Variants in IL23R observed in about 807,000 individuals in gnomAD.
IL23R encodes the protein interleukin 23 receptor.
In IL23R, 34 loss-of-function variants were observed where a neutral mutation model predicts 56.9. The ratio of observed to expected loss-of-function variants is 0.60; its 90% CI spans 0.45 to 0.80. The LOEUF (loss-of-function observed/expected upper bound fraction) is 0.80. Ranked by LOEUF, IL23R falls within the 30% of genes least tolerant of loss-of-function variation. The pLI is 0.00. For synonymous variants in IL23R, 230 were observed against 249.2 expected (o/e 0.92, Z 0.73); for missense variants, 635 against 730.0 (o/e 0.87, Z 1.50).
intron 1 of IL23R, among the ~76,000 whole-genome samples, chr1:67,143,677 G>T (rs941322669): frequency 2.0e-5 from 3 of 152,214 alleles, no homozygotes; most frequent in Non-Finnish European, 2.9e-5. Context: ...AGTAGACTGA[G>T]CACACTCCTG....
intron 4 of IL23R, chr1:67,196,012 C>T (rs1469286334): frequency 6.6e-6 from 1 of 152,246 alleles, no homozygotes; most frequent in Non-Finnish European, 1.5e-5. Flanking sequence ...ATAGTAGTAA[C>T]AGGACTTGGT....
At chr1:67,147,058 AT>A (rs143373276) in intron 1 of IL23R, among the ~76,000 whole-genome samples, 5 of 150,576 alleles carry the variant, frequency 3.3e-5, no homozygotes, top group African/African-American at 1.2e-4. Context: ...CTTCTCTGAG[AT>A]TTTTTTTTTC....
upstream of IL23R, chr1:67,166,287 A>G (rs2102550770): frequency 6.6e-6 from 1 of 152,440 alleles, no homozygotes; most frequent in South Asian, 2.1e-4. Context: ...TACCGACAAA[A>G]CAGTTCACTT....
intron 4 of IL23R, among the ~76,000 whole-genome samples, chr1:67,194,164 T>C (rs1201578457): frequency 6.6e-6 from 1 of 152,226 alleles, no homozygotes; most frequent in African/African-American, 2.4e-5. Flanking sequence ...GGAAGCTCCC[T>C]GAACCCAGTC....
At chr1:67,262,746 T>C (rs917219978), downstream of IL23R, among the ~76,000 whole-genome samples, 2 of 152,152 alleles carry the variant, frequency 1.3e-5, no homozygotes, top group Non-Finnish European at 2.9e-5. Context: ...TCACAATCTT[T>C]TAAGTCGCTG....
intron 4 of IL23R, 21 bp downstream of exon 4, chr1:67,182,980 T>C: frequency 6.2e-7 from 1 of 1,613,570 alleles, no homozygotes; most frequent in South Asian, 1.1e-5. Context: ...TCCTCACGGC[T>C]TCATATAAGC....
intron 9 of IL23R, among the ~76,000 whole-genome samples, chr1:67,254,016 T>G (rs914584612): frequency 3.9e-5 from 6 of 152,092 alleles, no homozygotes; most frequent in Non-Finnish European, 8.8e-5. Flanking sequence ...ATAAAAGCCT[T>G]AGTTCTGAAA....
chr1:67,259,529 C>T lies in IL23R; in HGVS notation c.*401C>T, dbSNP rs1653128136. ...CAAAAACAGCATTATGTGGACGCCT[C>T]ATGTATTTTTTATAGAGTCAACTAT... On this transcript the variant is annotated 3_prime_UTR_variant, in exon 11 of 11. Transcript: ENST00000347310. 4.3e-6 allele frequency: 1 copy of T among 230,226 alleles called. No homozygotes were observed. Among genetic ancestry groups the T allele is most frequent in the South Asian group, 6.7e-5 (1 of 14,866 alleles). 14.3% of individuals were successfully genotyped at this position (230,226 alleles called of 1,614,324 possible).
chr1:67,201,826 T>C (rs1278487996), intron 5 of IL23R, among the ~76,000 whole-genome samples: 2 of 152,190 alleles, frequency 1.3e-5, no homozygotes, highest in Admixed American at 1.3e-4. Context: ...TTTATACTTA[T>C]ATATTAGTAA....
intron 1 of IL23R, among the ~76,000 whole-genome samples, chr1:67,141,827 G>A (rs1052906916): frequency 2.0e-5 from 3 of 151,996 alleles, no homozygotes. Flanking sequence ...GGACCCAGTC[G>A]ATTAACATCC....
intron 5 of IL23R, among the ~76,000 whole-genome samples, chr1:67,203,600 G>A (rs1648788634): frequency 6.6e-6 from 1 of 152,066 alleles, no homozygotes; most frequent in Non-Finnish European, 1.5e-5. Context: ...TGAAAAATAT[G>A]GATTAATTGT....
Position 67,204,215 on chromosome 1 carries a change from C to T in IL23R, c.653-2695C>T, listed in dbSNP as rs577762417. On this transcript the variant is annotated intron_variant, in intron 5 of 10. Coordinates refer to ENST00000347310, the MANE Select transcript of IL23R (RefSeq NM_144701.3). ...AGTAGCTGGGACTACAGGCGCCAGC[C>T]ACCTCGCCCCGCTAATTTTTTGTAT... 1.1e-3 allele frequency among the ~76,000 whole-genome samples: 174 copies of T among 152,280 alleles called. 1 individual carries two copies. The highest frequency in any genetic ancestry group is 4.0e-3 in the African/African-American group (165 of 41,576).
At position 67,259,434 on chromosome 1, in the gene IL23R, C is replaced by T. The variant is rs1435898457; in HGVS notation, c.*306C>T. On this transcript the variant is annotated 3_prime_UTR_variant, in exon 11 of 11. Transcript: ENST00000347310. Reference sequence around the variant, plus strand: ...CTTTTTAATTTTAGCCATTCTTCTGCCTCATTTCTTAAAATTAGAGAATTA... The same window carrying T: ...CTTTTTAATTTTAGCCATTCTTCTGTCTCATTTCTTAAAATTAGAGAATTA... 5.2e-6 allele frequency: 2 copies of T among 381,516 alleles called. No homozygotes were observed. The highest frequency in any genetic ancestry group is 2.8e-5 in the South Asian group (1 of 35,846). The allele number at this position is 381,516 out of a possible 1,614,324, so 23.6% of individuals were successfully genotyped here.
chr1:67,192,518 A>G (rs979509749), intron 4 of IL23R, among the ~76,000 whole-genome samples: 6 of 152,294 alleles, frequency 3.9e-5, no homozygotes, highest in East Asian at 3.9e-4. Flanking sequence ...AAATTCCTCA[A>G]TGTATATCTG....
rs776016660 is a variant in IL23R at position 67,218,354 on chromosome 1, G to GTATATA, written c.799-1219_799-1218insATATAT. On this transcript the variant is annotated intron_variant, in intron 6 of 10. Transcript: ENST00000347310. The stretch of plus-strand genomic sequence containing the variant: ...TGTGTGTGTGTGTGTGTGTGTGTGT[G>GTATATA]TGTGTATATATATATATATGTATGT... Among the ~76,000 whole-genome samples the GTATATA allele has an allele frequency of 7.6e-3, 982 of 128,446 alleles. 6 individuals carry two copies. Among genetic ancestry groups the GTATATA allele is most frequent in the South Asian group, 0.019 (75 of 4,038 alleles). 84.3% of individuals were successfully genotyped at this position (128,446 alleles called of 152,430 possible).
chr1:67,203,362 A>ATCCCACC (rs1648769141), intron 5 of IL23R, among the ~76,000 whole-genome samples: 1 of 152,100 alleles, frequency 6.6e-6, no homozygotes. Context: ...GTTTACCACC[A>ATCCCACC]TCCCACCTCC....
chr1:67,186,530 C>T (rs1339574461), intron 4 of IL23R, among the ~76,000 whole-genome samples: 1 of 152,082 alleles, frequency 6.6e-6, no homozygotes, highest in Non-Finnish European at 1.5e-5. Flanking sequence ...CCACTATTTG[C>T]TTTCCGTTTC....
chr1:67,199,437 C>T (rs1648440889), intron 4 of IL23R, among the ~76,000 whole-genome samples: 1 of 152,126 alleles, frequency 6.6e-6, no homozygotes, highest in Non-Finnish European at 1.5e-5. Flanking sequence ...TTGCACTGAA[C>T]CAAAATGCAG....
chr1:67,224,842 C>A (rs934311178), intron 7 of IL23R, among the ~76,000 whole-genome samples: 2 of 152,164 alleles, frequency 1.3e-5, no homozygotes, highest in Non-Finnish European at 2.9e-5. Flanking sequence ...TAATAGCTAA[C>A]ATTTATTGGA....
Sources: gnomAD v4.1 joint callset for allele counts (sites outside exome capture counted in the v4.1 genomes callset) on GRCh38, gnomAD v4.1.1 for gene constraint, MANE v1.5 for transcripts, NCBI Gene and HGNC (gene_info 2026-07-23, HGNC 2026-07-21) for gene names.